ALKBH2: variants seen among roughly 807,000 people sequenced by gnomAD.
ALKBH2 encodes the protein DNA oxidative demethylase ALKBH2.
ALKBH2 carries 19 observed loss-of-function variants against 19.7 expected under a neutral mutation model. That is an observed-to-expected ratio of 0.97 (90% CI 0.67 to 1.42). The LOEUF (loss-of-function observed/expected upper bound fraction) is 1.42, where lower values mean the gene tolerates loss of function less well. Ranked by LOEUF, ALKBH2 falls within the 40% of genes most tolerant of loss-of-function variation. ALKBH2 has a pLI of 0.00. For missense variants in ALKBH2, 310 were observed against 328.5 expected, an observed-to-expected ratio of 0.94 and a Z score of 0.43; for synonymous variants, 135 against 131.2, an observed-to-expected ratio of 1.03 and a Z score of -0.20.
rs1480531371 is a variant in ALKBH2 at position 109,092,775 on chromosome 12, G to A, written c.12C>T (p.Phe4=). The part of the protein sequence containing the change: MDR[F]LVKGAQGGLL... ...GGCCCCCTTGAGCCCCTTTCACCAG[G>A]AATCTGTCCATCCTGTCCCCACAGG... Residue 4 remains phenylalanine, a synonymous_variant, in exon 2 of 4, where the codon TTC becomes TTT. Transcript: ENST00000429722. The A allele has an allele frequency of 6.2e-7, 1 of 1,612,820 alleles. No homozygotes were observed. Among genetic ancestry groups the A allele is most frequent in the Admixed American group, 1.7e-5 (1 of 59,890 alleles).
chr12:109,090,179 C>T lies in ALKBH2; in HGVS notation c.309G>A (p.Gly103=). 6.2e-7 allele frequency: 1 copy of T among 1,613,958 alleles called. No homozygotes were observed. The highest frequency in any genetic ancestry group is 1.6e-4 in the Middle Eastern group (1 of 6,062). Residue 103 remains glycine, a synonymous_variant, in exon 3 of 4, where the codon GGG becomes GGA. Transcript: ENST00000429722. The stretch of plus-strand genomic sequence containing the variant: ...GCTTCCTGGGCACACTGTGCCACTT[C>T]CCGAATACCTGGACTCTGGCCAGTG... ...TGALARVQVF[G]KWHSVPRKQA... is the part of the protein sequence containing the mutation.
chr12:109,092,623 G>C lies in ALKBH2; in HGVS notation c.164C>G (p.Pro55Arg). ...CTCAGCCCGAATGTGCCGCCAGCTAGGGCCTGCTGAGTGGCCTCCATTCCC... is the reference window on the plus strand; with the variant it reads ...CTCAGCCCGAATGTGCCGCCAGCTACGGCCTGCTGAGTGGCCTCCATTCCC... ...APGNGGHSAGPSWRHIRAEGL... is the reference protein window; with the variant it reads ...APGNGGHSAGRSWRHIRAEGL... Residue 55 changes from proline to arginine, a missense_variant, in exon 2 of 4, where the codon CCT (proline) becomes CGT (arginine). Coordinates refer to ENST00000429722, the MANE Select transcript of ALKBH2 (RefSeq NM_001145374.2). 1 of 1,614,214 alleles carries C rather than the reference G, an allele frequency of 6.2e-7. No homozygotes were observed. Among genetic ancestry groups the C allele is most frequent in the Non-Finnish European group, 8.5e-7 (1 of 1,180,040 alleles).
intron 2 of ALKBH2, among the ~76,000 whole-genome samples, chr12:109,091,606 C>T (rs1020244142): frequency 2.0e-5 from 3 of 152,080 alleles, no homozygotes; most frequent in East Asian, 1.9e-4. Flanking sequence ...GGTGCGATCT[C>T]GGCTCACTGC....
In ALKBH2 at chr12:109,092,529, C is replaced by T. The variant is rs759817736; in HGVS notation, c.258G>A (p.Glu86=). 18 of 1,593,976 alleles carry T rather than the reference C, an allele frequency of 1.1e-5. No individual in the cohort carries two copies. The highest frequency in any genetic ancestry group is 1.5e-5 in the Non-Finnish European group (18 of 1,168,414). Residue 86 remains glutamate, a synonymous_variant, in exon 2 of 4, where the codon GAG becomes GAA. Transcript: ENST00000429722. ...TACCTGTAAAATATTCTACTTCTTT[C>T]TCCAACTCTTGGAAAATCTCATCTG... ...AEADEIFQEL[E]KEVEYFTGAL...
chr12:109,089,828 C>G (rs1422818905), intron 3 of ALKBH2, 181 bp downstream of exon 3: 4 of 619,756 alleles, frequency 6.5e-6, no homozygotes, highest in Non-Finnish European at 1.1e-5. Flanking sequence ...CCTCTCACTT[C>G]CTACTCCGGG....
Position 109,088,191 on chromosome 12 carries a change from C to T in ALKBH2, c.*15G>A. On this transcript the variant is annotated 3_prime_UTR_variant, in exon 4 of 4. Coordinates refer to ENST00000429722, the MANE Select transcript of ALKBH2 (RefSeq NM_001145374.2). This position sits in a 1 kb window ranked among gnomAD's most constrained non-coding sequence, Gnocchi z 4.2. ...GAGAGGGAAAGAGAAAAGAGAAAAACTGTTAAAAATGTTTTTATTTTTTAG... is the reference window on the plus strand; with the variant it reads ...GAGAGGGAAAGAGAAAAGAGAAAAATTGTTAAAAATGTTTTTATTTTTTAG... 12 of 1,581,956 alleles carry T rather than the reference C, an allele frequency of 7.6e-6. No individual in the cohort carries two copies. The highest frequency in any genetic ancestry group is 1.0e-5 in the Non-Finnish European group (12 of 1,165,094).
intron 2 of ALKBH2, 121 bp downstream of exon 2, chr12:109,092,386 A>G: frequency 8.0e-6 from 11 of 1,371,606 alleles, no homozygotes; most frequent in Admixed American, 3.1e-5. Context: ...GGATGAATCC[A>G]TTAGTGAACC....
rs1220529329 is a variant in ALKBH2, at chr12:109,090,167, ACTGTGCCACT to A, written c.311_320del (p.Lys104MetfsTer14). 1.9e-6 allele frequency: 3 copies of A among 1,614,052 alleles called. No homozygotes were observed. Among genetic ancestry groups the A allele is most frequent in the Non-Finnish European group, 2.5e-6 (3 of 1,180,014 alleles). ...CATACGTTGCCTGCTTCCTGGGCAC[ACTGTGCCACT>A]TCCCGAATACCTGGACTCTGGCCAG... is the stretch of plus-strand genomic sequence containing the variant. On this transcript the variant is annotated frameshift_variant, in exon 3 of 4. Coordinates refer to ENST00000429722, the MANE Select transcript of ALKBH2 (RefSeq NM_001145374.2). LOFTEE classifies it high-confidence loss of function.
Position 109,090,062 on chromosome 12 carries a change from C to T in ALKBH2, c.426G>A (p.Arg142=), listed in dbSNP as rs1448743952. 1.9e-6 allele frequency: 3 copies of T among 1,614,184 alleles called. No homozygotes were observed. The Admixed American group carries it at 5.0e-5, about 27-fold the overall frequency. ...GTCCAGTCACCCCAGAGACGTGATCCCGGATGCGCTCTAGAACTGGGATCC... is the reference window on the plus strand; with the variant it reads ...GTCCAGTCACCCCAGAGACGTGATCTCGGATGCGCTCTAGAACTGGGATCC... ...KPWIPVLERI[R]DHVSGVTGQT... is the part of the protein sequence containing the mutation. Residue 142 remains arginine (R), a synonymous_variant, in exon 3 of 4, where the codon CGG becomes CGA. Transcript: ENST00000429722.
Position 109,090,210 on chromosome 12 carries a change from G to C in ALKBH2, c.281-3C>G. 6.2e-7 allele frequency: 1 copy of C among 1,612,738 alleles called. No homozygotes were observed. The highest frequency in any genetic ancestry group is 8.5e-7 in the Non-Finnish European group (1 of 1,179,974). On this transcript the variant is annotated splice_region_variant and splice_polypyrimidine_tract_variant and intron_variant, in intron 2 of 3. Transcript: ENST00000429722. ...TACCTGGACTCTGGCCAGTGCTCCT[G>C]TGCAGAGGAAACATGGCAGTTCCTT...
In ALKBH2 at chr12:109,089,867, T is replaced by G. The variant is rs1386746170; in HGVS notation, c.479+142A>C. 3 of 821,654 alleles carry G rather than the reference T, an allele frequency of 3.7e-6. 1 individual carries two copies. The highest frequency in any genetic ancestry group is 5.8e-6 in the Non-Finnish European group (3 of 517,278). The allele number at this position is 821,654 out of a possible 1,614,324, so 50.9% of individuals were successfully genotyped here. ...AGCTCCAGGATCCAGGAAGACCGAGTGCTGGCGCTATTCCACTCTTAGAGC... is the reference window on the plus strand; with the variant it reads ...AGCTCCAGGATCCAGGAAGACCGAGGGCTGGCGCTATTCCACTCTTAGAGC... On this transcript the variant is annotated intron_variant, in intron 3 of 3. Transcript: ENST00000429722.
At chr12:109,089,826 T>G (rs1461573789) in intron 3 of ALKBH2, 183 bp downstream of exon 3, 6 of 617,044 alleles carry the variant, frequency 9.7e-6, no homozygotes, top group Non-Finnish European at 1.7e-5. Context: ...CACCTCTCAC[T>G]TCCTACTCCG....
At chr12:109,093,147 C>T (rs2042090369) in intron 1 of ALKBH2, 100 bp downstream of exon 1, 2 of 214,220 alleles carry the variant, frequency 9.3e-6, no homozygotes, top group Non-Finnish European at 1.8e-5. Flanking sequence ...ACAATCCAAA[C>T]CCTCATTTTG....
chr12:109,090,464 G>A (rs2078012), intron 2 of ALKBH2, among the ~76,000 whole-genome samples: 5,084 of 152,248 alleles, frequency 0.033, 263 homozygotes, highest in African/African-American at 0.12. Context: ...GTCTCCCTGT[G>A]TCACCCAGGC....
At chr12:109,093,002 C>T (rs2042088161) in intron 1 of ALKBH2, 65 bp from the exon 2 acceptor site, 2 of 1,242,414 alleles carry the variant, frequency 1.6e-6, no homozygotes, top group Non-Finnish European at 2.1e-6. Flanking sequence ...TCCAGGGTCT[C>T]CCACGTCCAC....
At chr12:109,089,220 G>C (rs1443724712) in intron 3 of ALKBH2, among the ~76,000 whole-genome samples, 2 of 152,130 alleles carry the variant, frequency 1.3e-5, no homozygotes, top group East Asian at 3.8e-4. Context: ...CAGCATTTTT[G>C]CTTCACAGAC....
intron 1 of ALKBH2, 137 bp from the exon 2 acceptor site, chr12:109,093,074 G>A (rs1239179765): frequency 2.2e-6 from 1 of 448,520 alleles, no homozygotes; most frequent in African/African-American, 2.0e-5. Context: ...CCACGCCTGA[G>A]CACCTGAATT....
intron 2 of ALKBH2, among the ~76,000 whole-genome samples, chr12:109,090,821 TGCACCACTGC>T (rs2042050156): frequency 6.6e-6 from 1 of 152,206 alleles, no homozygotes; most frequent in Admixed American, 6.5e-5. Context: ...ATTATAGGTG[TGCACCACTGC>T]ACCAAGCCAA....
intron 3 of ALKBH2, among the ~76,000 whole-genome samples, chr12:109,089,304 A>T (rs1338338059): frequency 6.6e-6 from 1 of 152,124 alleles, no homozygotes; most frequent in Non-Finnish European, 1.5e-5. Flanking sequence ...GCTCAAACGC[A>T]CTGCCTCAGC....
Sources: allele counts gnomAD v4.1 joint callset (sites outside exome capture counted in the v4.1 genomes callset), GRCh38; gene constraint gnomAD v4.1.1; non-coding constraint Gnocchi (gnomAD v3.1); transcripts MANE v1.5; gene names NCBI Gene and HGNC (gene_info 2026-07-23, HGNC 2026-07-21).